Variants in VTA1 observed in about 807,000 individuals in gnomAD.
VTA1 encodes vesicle trafficking 1.
Under a neutral mutation model 36.9 loss-of-function variants are expected in VTA1, and 24 were observed. The ratio of observed to expected loss-of-function variants is 0.65; its 90% CI spans 0.47 to 0.91. The LOEUF (loss-of-function observed/expected upper bound fraction) is 0.91, where lower values mean the gene tolerates loss of function less well. Among genes scored for constraint, VTA1 ranks in the 40% least tolerant of loss-of-function variants. The probability of loss-of-function intolerance (pLI) is 0.00; values close to 1 mark genes in which losing one functional copy is unlikely to be tolerated. For missense variants in VTA1, 393 were observed against 377.2 expected (o/e 1.04, Z -0.35); for synonymous variants, 142 against 130.2 (o/e 1.09, Z -0.62).
At position 142,218,837 on chromosome 6, in the gene VTA1, G is replaced by C; in HGVS notation, c.*194G>C. On this transcript the variant is annotated 3_prime_UTR_variant, in exon 8 of 8. Coordinates refer to ENST00000367630, the MANE Select transcript of VTA1 (RefSeq NM_016485.5). ...ACCAGTTTTCATTGTCCATTTACTA[G>C]ATTCAATCGTCTCTGAGTATATAGG... 1 of 567,626 alleles carries C rather than the reference G, an allele frequency of 1.8e-6. No individual in the cohort carries two copies. The highest frequency in any genetic ancestry group is 2.9e-6 in the Non-Finnish European group (1 of 348,100). 35.2% of individuals were successfully genotyped at this position (567,626 alleles called of 1,614,324 possible).
intron 7 of VTA1, among the ~76,000 whole-genome samples, chr6:142,214,875 G>A (rs1313355659): frequency 6.6e-6 from 1 of 152,056 alleles, no homozygotes; most frequent in Non-Finnish European, 1.5e-5. Context: ...TAAAAATAGT[G>A]CATTTATAAC....
rs763281898 is a variant in VTA1 at position 142,198,538 on chromosome 6, G to T, written c.620G>T (p.Gly207Val). Residue 207 changes from glycine to valine, a missense_variant, in exon 6 of 8, where the codon GGC (glycine) becomes GTC (valine). Physicochemically the swap from Gly to Val is moderately radical, Grantham distance 109. Coordinates refer to ENST00000367630, the MANE Select transcript of VTA1 (RefSeq NM_016485.5). Reference sequence around the variant, plus strand: ...TATGACCCAAGCAACATGCCATCAGGCAACTATACTGGAATACAGATTCCT... The same window carrying T: ...TATGACCCAAGCAACATGCCATCAGTCAACTATACTGGAATACAGATTCCT... ...STYDPSNMPS[G>V]NYTGIQIPPG... is the part of the protein sequence containing the mutation. 10 of 1,614,074 alleles carry T rather than the reference G, an allele frequency of 6.2e-6. 1 individual carries two copies. Among genetic ancestry groups the T allele is most frequent in the Non-Finnish European group, 6.8e-6 (8 of 1,179,976 alleles).
chr6:142,177,496 T>C (rs527258006), intron 4 of VTA1, among the ~76,000 whole-genome samples: 2 of 152,234 alleles, frequency 1.3e-5, no homozygotes, highest in African/African-American at 4.8e-5. Flanking sequence ...TTTAAAAAAA[T>C]TGGCTCTTGC....
In VTA1 at chr6:142,167,270, T is replaced by A. The variant is rs1406593737; in HGVS notation, c.207+948T>A. Among the ~76,000 whole-genome samples the A allele has an allele frequency of 2.6e-5, 4 of 152,168 alleles. No homozygotes were observed. In the East Asian group the frequency reaches 5.8e-4, roughly 22 times the overall value. On this transcript the variant is annotated intron_variant, in intron 2 of 7. Coordinates refer to ENST00000367630, the MANE Select transcript of VTA1 (RefSeq NM_016485.5). ...AAGAAGGCAGTGCCAACCTTAGTAG[T>A]CACACTTAGTAATGAGGACTCTGTC...
At chr6:142,218,087 T>A (rs1306010180) in intron 7 of VTA1, among the ~76,000 whole-genome samples, 1 of 152,162 alleles carries the variant, frequency 6.6e-6, no homozygotes, top group African/African-American at 2.4e-5. Context: ...TGGTTTTCTT[T>A]ACATAAAGTT....
At chr6:142,197,477 T>G (rs905493319) in intron 5 of VTA1, among the ~76,000 whole-genome samples, 9 of 152,160 alleles carry the variant, frequency 5.9e-5, no homozygotes, top group Non-Finnish European at 1.0e-4. Flanking sequence ...AAAATTCAGT[T>G]TTTCAAAGTA....
chr6:142,199,267 T>A (rs1260316330), intron 6 of VTA1, among the ~76,000 whole-genome samples: 1 of 152,146 alleles, frequency 6.6e-6, no homozygotes, highest in Non-Finnish European at 1.5e-5. Flanking sequence ...AGTAGTTAAG[T>A]CAGGGTCAGT....
intron 7 of VTA1, among the ~76,000 whole-genome samples, chr6:142,209,742 A>G (rs1174023546): frequency 1.3e-5 from 2 of 151,952 alleles, no homozygotes; most frequent in Non-Finnish European, 2.9e-5. Flanking sequence ...ATTCTGATAA[A>G]TGTAATAGAA....
At chr6:142,187,679 A>G (rs1186045532) in intron 4 of VTA1, among the ~76,000 whole-genome samples, 9 of 152,222 alleles carry the variant, frequency 5.9e-5, no homozygotes. Context: ...GAAGAAAATC[A>G]GAATCAATGT....
intron 6 of VTA1, among the ~76,000 whole-genome samples, chr6:142,201,228 T>C (rs1020306930): frequency 5.9e-5 from 9 of 151,964 alleles, no homozygotes; most frequent in Middle Eastern, 6.8e-3. Flanking sequence ...AGTTGCCTAA[T>C]AAAAAACAAA....
chr6:142,170,340 T>G lies in VTA1; in HGVS notation c.336-6T>G. On this transcript the variant is annotated splice_region_variant and splice_polypyrimidine_tract_variant and intron_variant, in intron 3 of 7. Transcript: ENST00000367630. ...TTAAACTAGACCGCTCTCTTTTCTCTTCCAGAAACATGATCAAGTCCTTCT... is the reference window on the plus strand; with the variant it reads ...TTAAACTAGACCGCTCTCTTTTCTCGTCCAGAAACATGATCAAGTCCTTCT... The G allele has an allele frequency of 1.2e-6, 2 of 1,600,754 alleles. No individual in the cohort carries two copies. The highest frequency in any genetic ancestry group is 1.1e-5 in the South Asian group (1 of 89,746).
rs574318320 is a variant in VTA1, at chr6:142,173,875, T to C, written c.411+3454T>C. 8.5e-5 allele frequency among the ~76,000 whole-genome samples: 13 copies of C among 152,178 alleles called. No individual in the cohort carries two copies. In the South Asian group the frequency reaches 2.7e-3, roughly 32 times the overall value. ...GAGAAGGCTTCATGTGAGATTGGGG[T>C]GATGGGATGGGATTTGTTTAGATAT... is the stretch of plus-strand genomic sequence containing the variant. On this transcript the variant is annotated intron_variant, in intron 4 of 7. Coordinates refer to ENST00000367630, the MANE Select transcript of VTA1 (RefSeq NM_016485.5).
rs1461640867 is a variant in VTA1 at position 142,223,005 on chromosome 6, TAAG to T, written c.*4366_*4368del. ...AGCTCAGACTGCCTGTTTCAGATCA[TAAG>T]AAGTATCATCCATGTCAGTAAGTCA... On this transcript the variant is annotated 3_prime_UTR_variant, in exon 8 of 8. Transcript: ENST00000367630. 1 of 152,194 alleles carries T rather than the reference TAAG, an allele frequency of 6.6e-6. No homozygotes were observed. Among genetic ancestry groups the T allele is most frequent in the Admixed American group, 6.5e-5 (1 of 15,274 alleles). The allele number at this position is 152,194 out of a possible 1,614,324, so 9.4% of individuals were successfully genotyped here. A position where few individuals can be genotyped will look rare whatever the true frequency, so the allele number is the denominator to read the frequency against.
At chr6:142,193,077 G>A (rs1290253407) in intron 5 of VTA1, among the ~76,000 whole-genome samples, 1 of 152,036 alleles carries the variant, frequency 6.6e-6, no homozygotes, top group African/African-American at 2.4e-5. Flanking sequence ...GCATCTGGGT[G>A]CCATATCTCT....
intron 6 of VTA1, among the ~76,000 whole-genome samples, chr6:142,200,297 CT>C (rs1775654303): frequency 1.3e-5 from 2 of 152,122 alleles, no homozygotes; most frequent in South Asian, 2.1e-4. Flanking sequence ...TCCTTTCCCT[CT>C]TTTTTTCCTC....
At chr6:142,181,186 T>A (rs1474644304) in intron 4 of VTA1, among the ~76,000 whole-genome samples, 1 of 138,970 alleles carries the variant, frequency 7.2e-6, no homozygotes, top group East Asian at 2.1e-4. Context: ...CAGGGTGGAG[T>A]GCAGTGGCGC....
chr6:142,199,672 A>G (rs1157883347), intron 6 of VTA1, among the ~76,000 whole-genome samples: 1 of 152,050 alleles, frequency 6.6e-6, no homozygotes, highest in Admixed American at 6.5e-5. Flanking sequence ...CTTTCCTCCT[A>G]TTTTAAAACT....
In VTA1 at chr6:142,175,698, CTTATT is replaced by C. The variant is rs534111190; in HGVS notation, c.411+5284_411+5288del. ...ATGCCTTACACTTGTTTATATATAA[CTTATT>C]TTATTTCATAACTTTTCTAAAATGT... On this transcript the variant is annotated intron_variant, in intron 4 of 7. Transcript: ENST00000367630. 3.9e-4 allele frequency among the ~76,000 whole-genome samples: 59 copies of C among 152,056 alleles called. 1 individual carries two copies. Among genetic ancestry groups the C allele is most frequent in the Admixed American group, 3.2e-3 (49 of 15,262 alleles).
chr6:142,179,869 A>T (rs1183685115), intron 4 of VTA1, among the ~76,000 whole-genome samples: 1 of 152,186 alleles, frequency 6.6e-6, no homozygotes, highest in Non-Finnish European at 1.5e-5. Flanking sequence ...CTATATTCTA[A>T]GAGTGACCAA....
Sources: allele counts gnomAD v4.1 joint callset (sites outside exome capture counted in the v4.1 genomes callset), GRCh38; gene constraint gnomAD v4.1.1; transcripts MANE v1.5; gene names NCBI Gene and HGNC (gene_info 2026-07-23, HGNC 2026-07-21).